SLC38A1: variants seen among roughly 807,000 people sequenced by gnomAD.
SLC38A1 encodes solute carrier family 38 member 1.
Under a neutral mutation model 60.3 loss-of-function variants are expected in SLC38A1, and 18 were observed. The observed-to-expected ratio is 0.30, with a 90% CI of 0.21 to 0.44. The LOEUF (loss-of-function observed/expected upper bound fraction) is 0.44. SLC38A1 is among the 20% of genes least tolerant of loss of function. The pLI is 1.00. For missense variants in SLC38A1, 448 were observed against 587.2 expected, an observed-to-expected ratio of 0.76 and a Z score of 2.45; for synonymous variants, 196 against 212.1, an observed-to-expected ratio of 0.92 and a Z score of 0.66.
intron 2 of SLC38A1, among the ~76,000 whole-genome samples, chr12:46,240,471 C>G (rs1447893286): frequency 1.3e-5 from 2 of 152,226 alleles, no homozygotes; most frequent in Non-Finnish European, 2.9e-5. Flanking sequence ...GTTCAAATTA[C>G]AGGCGTGAGC....
chr12:46,233,588 A>G (rs1172435806), intron 3 of SLC38A1, among the ~76,000 whole-genome samples: 2 of 152,318 alleles, frequency 1.3e-5, no homozygotes, highest in Non-Finnish European at 2.9e-5. Flanking sequence ...GCACTGTGAC[A>G]TGAGGGGGCA....
At chr12:46,194,290 T>C (rs1939271795) in intron 16 of SLC38A1, among the ~76,000 whole-genome samples, 1 of 152,254 alleles carries the variant, frequency 6.6e-6, no homozygotes, top group Non-Finnish European at 1.5e-5. Context: ...GTAGGGTTTC[T>C]GCAGAGAGAT....
intron 2 of SLC38A1, among the ~76,000 whole-genome samples, chr12:46,240,157 G>T (rs1034409347): frequency 6.6e-6 from 1 of 152,096 alleles, no homozygotes; most frequent in African/African-American, 2.4e-5. Context: ...TATCATGTTA[G>T]CTGTAGGTAA....
rs1938966447 is a variant in SLC38A1 at position 46,187,210 on chromosome 12, T to C, written c.*1760A>G. On this transcript the variant is annotated 3_prime_UTR_variant, in exon 17 of 17. Transcript: ENST00000398637. ...AATGCCTGCCTTATCTATGGGACAGTAGTGTGATTCTCAGTGAGAGTGAAG... is the reference window on the plus strand; with the variant it reads ...AATGCCTGCCTTATCTATGGGACAGCAGTGTGATTCTCAGTGAGAGTGAAG... 1.3e-5 allele frequency: 2 copies of C among 152,084 alleles called. No individual in the cohort carries two copies. Among genetic ancestry groups the C allele is most frequent in the South Asian group, 2.1e-4 (1 of 4,816 alleles). The allele number at this position is 152,084 out of a possible 1,614,324, so 9.4% of individuals were successfully genotyped here. A position where few individuals can be genotyped will look rare whatever the true frequency, so the allele number is the denominator to read the frequency against.
intron 13 of SLC38A1, among the ~76,000 whole-genome samples, chr12:46,200,342 T>A (rs139095235): frequency 2.6e-5 from 4 of 152,094 alleles, no homozygotes; most frequent in Non-Finnish European, 4.4e-5. Context: ...AGAATTATTA[T>A]TTAGTAGAGA....
chr12:46,235,962 T>C (rs1941244937), intron 3 of SLC38A1, among the ~76,000 whole-genome samples: 1 of 152,286 alleles, frequency 6.6e-6, no homozygotes, highest in South Asian at 2.1e-4. Flanking sequence ...TAACCAGCAA[T>C]CATCCAAAAC....
intron 5 of SLC38A1, among the ~76,000 whole-genome samples, chr12:46,221,191 T>C (rs1940643769): frequency 6.6e-6 from 1 of 152,102 alleles, no homozygotes; most frequent in Non-Finnish European, 1.5e-5. Context: ...AGGAGAATAT[T>C]GAGAGACAGA....
intron 1 of SLC38A1, among the ~76,000 whole-genome samples, chr12:46,252,417 C>A (rs1343082237): frequency 6.6e-6 from 1 of 152,080 alleles, no homozygotes; most frequent in African/African-American, 2.4e-5. Context: ...AGCAAACCAA[C>A]ATGGCACATG....
chr12:46,267,966 G>A (rs574095841), intron 1 of SLC38A1, among the ~76,000 whole-genome samples: 96 of 152,312 alleles, frequency 6.3e-4, no homozygotes, highest in African/African-American at 2.2e-3. Context: ...GTTACAGAGG[G>A]GCAGAGCACC....
chr12:46,221,043 C>G (rs540414387), intron 5 of SLC38A1, among the ~76,000 whole-genome samples: 1 of 152,140 alleles, frequency 6.6e-6, no homozygotes, highest in Admixed American at 6.5e-5. Flanking sequence ...GTAGTCTGAT[C>G]TCAGTTTACA....
At chr12:46,203,950 T>C (rs1188672463) in intron 11 of SLC38A1, among the ~76,000 whole-genome samples, 1 of 152,218 alleles carries the variant, frequency 6.6e-6, no homozygotes, top group Non-Finnish European at 1.5e-5. Context: ...ATATTTCAAC[T>C]GTGCAACCTG....
intron 3 of SLC38A1, among the ~76,000 whole-genome samples, chr12:46,237,899 A>G (rs1941313768): frequency 6.6e-6 from 1 of 151,818 alleles, no homozygotes; most frequent in Non-Finnish European, 1.5e-5. Context: ...CCAGGAGTAC[A>G]GCACATAAAA....
rs866842644 is a variant in SLC38A1 at position 46,209,979 on chromosome 12, T to C, written c.315-852A>G. Among the ~76,000 whole-genome samples, 7 of 152,206 alleles carry C rather than the reference T, an allele frequency of 4.6e-5. No individual in the cohort carries two copies. The South Asian group carries it at 1.2e-3, about 27-fold the overall frequency. On this transcript the variant is annotated intron_variant, in intron 5 of 16. Transcript: ENST00000398637. ...TCCCCAGATGAAACCGCTCACTTCC[T>C]GATGTGGGAAAATATATCCCTAGAA...
chr12:46,203,271 C>T (rs1338873937), intron 11 of SLC38A1, among the ~76,000 whole-genome samples, 182 bp from the exon 12 acceptor site: 8 of 152,278 alleles, frequency 5.3e-5, no homozygotes, highest in Non-Finnish European at 1.2e-4. Flanking sequence ...TTGTCTAGCT[C>T]GAGCCATTAG....
At chr12:46,246,458 G>T (rs1241196165) in intron 1 of SLC38A1, among the ~76,000 whole-genome samples, 1 of 152,248 alleles carries the variant, frequency 6.6e-6, no homozygotes, top group Non-Finnish European at 1.5e-5. Flanking sequence ...AGCGGAAGGG[G>T]TGTCCACCAT....
Position 46,268,799 on chromosome 12 carries a change from A to G in SLC38A1, c.-482T>C. On this transcript the variant is annotated 5_prime_UTR_variant, in exon 1 of 17. Transcript: ENST00000398637. This position sits in a 1 kb window ranked among gnomAD's most constrained non-coding sequence, Gnocchi z 4.4. ...CCTGGCTCTCCTCCTTTCCGGGCCGATTGCATCAGAATCTCCCCTCACCAC... is the reference window on the plus strand; with the variant it reads ...CCTGGCTCTCCTCCTTTCCGGGCCGGTTGCATCAGAATCTCCCCTCACCAC... 1 of 404,578 alleles carries G rather than the reference A, an allele frequency of 2.5e-6. No individual in the cohort carries two copies. The highest frequency in any genetic ancestry group is 5.2e-6 in the Non-Finnish European group (1 of 192,732). The allele number at this position is 404,578 out of a possible 1,614,324, so 25.1% of individuals were successfully genotyped here.
At chr12:46,259,975 T>C (rs1298621769) in intron 1 of SLC38A1, among the ~76,000 whole-genome samples, 2 of 152,174 alleles carry the variant, frequency 1.3e-5, no homozygotes, top group Non-Finnish European at 2.9e-5. Flanking sequence ...TTAGAAGCTG[T>C]GTAGCCCCAG....
At position 46,209,136 on chromosome 12, in the gene SLC38A1, A is replaced by C; in HGVS notation, c.315-9T>G. ...CTGAAGTCAAAAGTACCCTAAAGCA[A>C]AGAAAATAAATCTTATTGTAATATC... On this transcript the variant is annotated splice_polypyrimidine_tract_variant and intron_variant, in intron 5 of 16. Transcript: ENST00000398637. 6.4e-7 allele frequency: 1 copy of C among 1,553,782 alleles called. No homozygotes were observed. Among genetic ancestry groups the C allele is most frequent in the Non-Finnish European group, 8.9e-7 (1 of 1,127,416 alleles).
chr12:46,198,581 C>T (rs765858471), intron 14 of SLC38A1, 44 bp downstream of exon 14: 11 of 1,348,952 alleles, frequency 8.2e-6, no homozygotes, highest in African/African-American at 4.4e-5. Flanking sequence ...GAAGGAAAGC[C>T]GAGACCTCAG....
Sources: allele counts gnomAD v4.1 joint callset (sites outside exome capture counted in the v4.1 genomes callset), GRCh38; gene constraint gnomAD v4.1.1; non-coding constraint Gnocchi (gnomAD v3.1); transcripts MANE v1.5; gene names NCBI Gene and HGNC (gene_info 2026-07-23, HGNC 2026-07-21).